Variants in HPSE2 observed in about 807,000 individuals in gnomAD.
HPSE2 encodes the protein inactive heparanase-2.
A neutral mutation model predicts 60.5 loss-of-function variants in HPSE2; 38 were observed. That is an observed-to-expected ratio of 0.63 (90% confidence interval 0.48 to 0.82). The LOEUF (loss-of-function observed/expected upper bound fraction) is 0.82, where lower values mean the gene tolerates loss of function less well. Ranked by LOEUF, HPSE2 falls within the 40% of genes least tolerant of loss-of-function variation. The pLI is 0.00. For synonymous variants in HPSE2, 295 were observed against 293.2 expected (o/e 1.01, Z -0.06); for missense variants, 713 against 740.4 (o/e 0.96, Z 0.43).
intron 10 of HPSE2, among the ~76,000 whole-genome samples, chr10:98,483,418 T>C (rs1177191647): frequency 2.0e-5 from 3 of 152,244 alleles, no homozygotes; most frequent in African/African-American, 7.2e-5. Context: ...AGACAACTCA[T>C]GTTTGAACAT....
intron 9 of HPSE2, among the ~76,000 whole-genome samples, chr10:98,569,868 C>G (rs1944446461): frequency 6.6e-6 from 1 of 152,194 alleles, no homozygotes; most frequent in African/African-American, 2.4e-5. Context: ...CCCAGGCAAC[C>G]TTCCTGCCTC....
Position 98,560,596 on chromosome 10 carries a change from C to T in HPSE2, c.1320+54308G>A, listed in dbSNP as rs548983798. ...CTTCACCGAGTGTATTTTCTTGGTC[C>T]ACCTCAGCAGGACATTGCCTCCTTT... is the stretch of plus-strand genomic sequence containing the variant. On this transcript the variant is annotated intron_variant, in intron 9 of 11. Coordinates refer to ENST00000370552, the MANE Select transcript of HPSE2 (RefSeq NM_021828.5). Among the ~76,000 whole-genome samples, 84 of 152,312 alleles carry T rather than the reference C, an allele frequency of 5.5e-4. 1 individual carries two copies. In the South Asian group the frequency reaches 0.011, roughly 20 times the overall value.
chr10:98,890,060 G>A (rs1953289329), intron 3 of HPSE2, among the ~76,000 whole-genome samples: 1 of 152,140 alleles, frequency 6.6e-6, no homozygotes, highest in Non-Finnish European at 1.5e-5. Flanking sequence ...TAGTTAAGTT[G>A]TTTAACATAG....
At chr10:98,654,447 G>T (rs1425777726) in intron 6 of HPSE2, among the ~76,000 whole-genome samples, 1 of 151,866 alleles carries the variant, frequency 6.6e-6, no homozygotes, top group African/African-American at 2.4e-5. Context: ...TTTCAGTTTG[G>T]GCAATTTCTA....
chr10:98,933,553 T>C (rs916443964), intron 3 of HPSE2, among the ~76,000 whole-genome samples: 2 of 143,538 alleles, frequency 1.4e-5, no homozygotes, highest in Non-Finnish European at 3.0e-5. Flanking sequence ...GCCAGTGGGG[T>C]ATTAAAGTCT....
At chr10:98,609,839 CTTTT>C (rs34422929) in intron 9 of HPSE2, among the ~76,000 whole-genome samples, 4 of 126,176 alleles carry the variant, frequency 3.2e-5, no homozygotes, top group Non-Finnish European at 4.9e-5. Context: ...TCTTCTTCTT[CTTTT>C]TTTTTTTTTT....
intron 3 of HPSE2, among the ~76,000 whole-genome samples, chr10:99,020,598 T>C (rs1476456849): frequency 6.6e-6 from 1 of 152,260 alleles, no homozygotes; most frequent in Non-Finnish European, 1.5e-5. Flanking sequence ...AATGCTTTGC[T>C]CTTTGCTGAG....
At chr10:99,135,466 CT>C (rs1845609992) in intron 3 of HPSE2, among the ~76,000 whole-genome samples, 1 of 152,210 alleles carries the variant, frequency 6.6e-6, no homozygotes, top group Admixed American at 6.5e-5. Flanking sequence ...AAGTAAAACA[CT>C]CCTCAGCAGA....
At chr10:98,647,617 C>T (rs1001859222) in intron 6 of HPSE2, among the ~76,000 whole-genome samples, 1 of 152,196 alleles carries the variant, frequency 6.6e-6, no homozygotes, top group African/African-American at 2.4e-5. Flanking sequence ...AAAACCTATT[C>T]TGCCGCCTCG....
At chr10:98,568,415 T>C (rs992605037) in intron 9 of HPSE2, among the ~76,000 whole-genome samples, 2 of 152,194 alleles carry the variant, frequency 1.3e-5, no homozygotes, top group Non-Finnish European at 2.9e-5. Flanking sequence ...GGTCAGGGAC[T>C]GGCACATTTC....
intron 2 of HPSE2, among the ~76,000 whole-genome samples, chr10:99,202,364 A>G (rs545163086): frequency 1.3e-5 from 2 of 152,328 alleles, no homozygotes; most frequent in East Asian, 1.9e-4. Flanking sequence ...ATTTCTGATC[A>G]ACCATATATA....
intron 3 of HPSE2, among the ~76,000 whole-genome samples, chr10:98,932,270 T>C (rs541035897): frequency 6.9e-6 from 1 of 144,544 alleles, no homozygotes; most frequent in South Asian, 2.1e-4. Context: ...ATGAATTACA[T>C]TTATTGATTT....
At chr10:99,281,333 T>C in the HPSE2 span, among the ~76,000 whole-genome samples, 1 of 124,656 alleles carries the variant, frequency 8.0e-6, no homozygotes, top group Non-Finnish European at 1.7e-5. Context: ...ATAATTACTA[T>C]ATTTAATAAA....
intron 3 of HPSE2, among the ~76,000 whole-genome samples, chr10:98,773,446 C>G (rs1409227571): frequency 7.9e-5 from 12 of 152,140 alleles, no homozygotes; most frequent in African/African-American, 4.8e-5. Flanking sequence ...GCAGTGATCT[C>G]CCTTATAATT....
chr10:99,276,039 T>C, the HPSE2 span, among the ~76,000 whole-genome samples: 1 of 152,216 alleles, frequency 6.6e-6, no homozygotes, highest in African/African-American at 2.4e-5. Flanking sequence ...TAGTAATATT[T>C]AATAATGGTA....
At chr10:99,031,686 A>T (rs1368854975) in intron 3 of HPSE2, among the ~76,000 whole-genome samples, 1 of 152,192 alleles carries the variant, frequency 6.6e-6, no homozygotes, top group Non-Finnish European at 1.5e-5. Context: ...AAAAGATACA[A>T]CTAGTTATGG....
the HPSE2 span, among the ~76,000 whole-genome samples, chr10:99,309,719 T>C: frequency 1.3e-5 from 2 of 152,190 alleles, no homozygotes; most frequent in African/African-American, 4.8e-5. Context: ...ATCTATTATA[T>C]AGCTTATTAA....
chr10:98,791,962 G>A (rs756113277), intron 3 of HPSE2, among the ~76,000 whole-genome samples: 6 of 152,004 alleles, frequency 3.9e-5, no homozygotes, highest in African/African-American at 7.3e-5. Flanking sequence ...AAATTACCCC[G>A]TTCTCAATAG....
rs75076666 is a variant in HPSE2 at position 98,816,804 on chromosome 10, T to C, written c.611-72748A>G. On this transcript the variant is annotated intron_variant, in intron 3 of 11. Transcript: ENST00000370552. ...TATTCAGGGCTGTCCTGAGGTAGTGTACCTGAACTGCAATTCTCTGTTTAC... is the reference window on the plus strand; with the variant it reads ...TATTCAGGGCTGTCCTGAGGTAGTGCACCTGAACTGCAATTCTCTGTTTAC... 9.2e-3 allele frequency among the ~76,000 whole-genome samples: 1,399 copies of C among 152,360 alleles called. 22 individuals are homozygous for C. The highest frequency in any genetic ancestry group is 0.031 in the African/African-American group (1,296 of 41,584).
Sources: gnomAD v4.1 joint callset for allele counts (sites outside exome capture counted in the v4.1 genomes callset) on GRCh38, gnomAD v4.1.1 for gene constraint, MANE v1.5 for transcripts, NCBI Gene and HGNC (gene_info 2026-07-23, HGNC 2026-07-21) for gene names.